Variants in MSN observed in about 807,000 individuals in gnomAD.
MSN encodes the protein epididymis luminal protein 70.
MSN carries 2 observed loss-of-function variants against 48.0 expected under a neutral mutation model. That is an observed-to-expected ratio of 0.04 (90% CI 0.02 to 0.13). The LOEUF (loss-of-function observed/expected upper bound fraction) is 0.13. Ranked by LOEUF, MSN falls within the 10% of genes least tolerant of loss-of-function variation. The pLI, the probability that MSN is intolerant of heterozygous loss-of-function variation, is 1.00. For synonymous variants in MSN, 146 were observed against 166.9 expected (o/e 0.87, Z 0.97); for missense variants, 267 against 470.1 (o/e 0.57, Z 3.99).
At chrX:65,677,402 A>G (rs1024576526) in intron 1 of MSN, among the ~76,000 whole-genome samples, 2 of 112,521 alleles carry the variant, frequency 1.8e-5, no homozygotes, top group Non-Finnish European at 3.7e-5. Flanking sequence ...GAAAAGTCAC[A>G]TAACTTCTTT....
At chrX:65,726,855 C>T (rs1315990155) in intron 2 of MSN, among the ~76,000 whole-genome samples, 1 of 111,311 alleles carries the variant, frequency 9.0e-6, no homozygotes, top group Non-Finnish European at 1.9e-5. Context: ...CTGCTGCCAT[C>T]GACAGTGGTG....
intron 1 of MSN, among the ~76,000 whole-genome samples, chrX:65,638,008 T>C (rs1228375661): frequency 2.7e-5 from 3 of 112,222 alleles, no homozygotes; most frequent in Non-Finnish European, 3.8e-5. Flanking sequence ...TCCATGATGG[T>C]AGTGATTTTT....
chrX:65,653,219 A>G (rs2070754946), intron 1 of MSN, among the ~76,000 whole-genome samples: 3 of 111,203 alleles, frequency 2.7e-5, no homozygotes, highest in Admixed American at 9.6e-5. Flanking sequence ...CATTCTCTGG[A>G]GCCACTGGAG....
At chrX:65,664,922 G>A (rs1043798781), upstream of MSN, among the ~76,000 whole-genome samples, 1 of 109,555 alleles carries the variant, frequency 9.1e-6, no homozygotes, top group African/African-American at 3.3e-5. Context: ...GCTAATTTTT[G>A]TATTTTTAGT....
intron 1 of MSN, among the ~76,000 whole-genome samples, chrX:65,601,530 C>T (rs1194333646): frequency 6.2e-5 from 7 of 112,913 alleles, no homozygotes; most frequent in Non-Finnish European, 9.4e-5. Context: ...GTCCAGCCCA[C>T]AGCCTCTAAA....
At chrX:65,692,518 T>C (rs1184463696) in intron 1 of MSN, among the ~76,000 whole-genome samples, 1 of 112,700 alleles carries the variant, frequency 8.9e-6, no homozygotes, top group Non-Finnish European at 1.9e-5. Context: ...TGAAAAGAGA[T>C]ATTTATCCAG....
chrX:65,618,171 G>T (rs1198116575), intron 1 of MSN, among the ~76,000 whole-genome samples: 1 of 111,739 alleles, frequency 8.9e-6, no homozygotes, highest in East Asian at 2.8e-4. Flanking sequence ...TGCTGACAAA[G>T]ATATATATGC....
intron 2 of MSN, among the ~76,000 whole-genome samples, chrX:65,719,269 C>T (rs921050737): frequency 1.8e-5 from 2 of 112,173 alleles, no homozygotes; most frequent in African/African-American, 3.2e-5. Context: ...GTGATACAAA[C>T]GTTTCCCTTA....
chrX:65,689,275 C>T (rs1415313555), intron 1 of MSN, among the ~76,000 whole-genome samples: 1 of 111,552 alleles, frequency 9.0e-6, no homozygotes. Context: ...GGTCTGCCCT[C>T]CCATGGGTAC....
chrX:65,683,685 C>T (rs2071081185), intron 1 of MSN, among the ~76,000 whole-genome samples: 1 of 110,485 alleles, frequency 9.1e-6, no homozygotes, highest in Admixed American at 9.7e-5. Flanking sequence ...TTTTTTTAGT[C>T]CTGAGCCATA....
At chrX:65,651,099 G>A (rs1264396332) in intron 1 of MSN, among the ~76,000 whole-genome samples, 1 of 111,004 alleles carries the variant, frequency 9.0e-6, no homozygotes, top group African/African-American at 3.3e-5. Flanking sequence ...ATTCCTCTTT[G>A]TAATGTAACA....
chrX:65,615,957 T>C, intron 1 of MSN, among the ~76,000 whole-genome samples: 1 of 111,345 alleles, frequency 9.0e-6, no homozygotes, highest in Non-Finnish European at 1.9e-5. Flanking sequence ...ATTTATTAAA[T>C]AGGGAACCCT....
intron 1 of MSN, among the ~76,000 whole-genome samples, chrX:65,661,794 C>T (rs1486782843): frequency 8.9e-6 from 1 of 112,097 alleles, no homozygotes; most frequent in African/African-American, 3.2e-5. Context: ...TTGAGGTAGG[C>T]AGATCACCTG....
intron 2 of MSN, among the ~76,000 whole-genome samples, chrX:65,721,237 T>C (rs1211246574): frequency 2.0e-4 from 22 of 112,390 alleles, no homozygotes; most frequent in Non-Finnish European, 5.6e-5. Flanking sequence ...ATATAAAGCA[T>C]AGGATTTAGA....
chrX:65,696,207 C>T (rs968730028), intron 1 of MSN, among the ~76,000 whole-genome samples: 1 of 100,875 alleles, frequency 9.9e-6, no homozygotes, highest in African/African-American at 4.6e-5. Context: ...AAAAAAATGC[C>T]CTCACGTGCT....
intron 7 of MSN, among the ~76,000 whole-genome samples, chrX:65,733,510 C>T (rs770041931): frequency 8.9e-6 from 1 of 112,401 alleles, no homozygotes; most frequent in African/African-American, 3.2e-5. Context: ...ACCTGTCTCT[C>T]TCACTGTGGA....
At chrX:65,728,442 TGCCACCAC>T (rs1335742682) in intron 3 of MSN, among the ~76,000 whole-genome samples, 2 of 110,835 alleles carry the variant, frequency 1.8e-5, no homozygotes, top group Non-Finnish European at 3.8e-5. Flanking sequence ...TACAGGTGCC[TGCCACCAC>T]GCCCGGCTAA....
At chrX:65,671,898 G>T (rs754934659) in intron 1 of MSN, among the ~76,000 whole-genome samples, 25 of 111,878 alleles carry the variant, frequency 2.2e-4, no homozygotes, top group Non-Finnish European at 4.0e-4. Flanking sequence ...CCATTCTCTA[G>T]CTGCCTGCAA....
Position 65,629,190 on chromosome X carries a change from A to G in MSN, c.-22+40578A>G, listed in dbSNP as rs781384722. On this transcript the variant is annotated intron_variant, in intron 1 of 3. Transcript: ENST00000609672. The stretch of plus-strand genomic sequence containing the variant: ...TCTCTCTCAAGTTCAAAGTTCCACA[A>G]ATCTCTAGGGCAGGGGCAAAATTCC... 2.1e-3 allele frequency among the ~76,000 whole-genome samples: 238 copies of G among 111,758 alleles called. 3 individuals are homozygous for G. Among genetic ancestry groups the G allele is most frequent in the African/African-American group, 7.6e-3 (233 of 30,799 alleles).
Sources: allele counts gnomAD v4.1 joint callset (sites outside exome capture counted in the v4.1 genomes callset), GRCh38; gene constraint gnomAD v4.1.1; transcripts MANE v1.5; gene names NCBI Gene and HGNC (gene_info 2026-07-23, HGNC 2026-07-21).